The following BRAP variants were observed in gnomAD, a reference collection of about 807,000 sequenced individuals.
BRAP encodes the protein BRCA1 associated protein.
In BRAP, 42 loss-of-function variants were observed where a neutral mutation model predicts 73.4. That is an observed-to-expected ratio of 0.57 (90% CI 0.45 to 0.74). The LOEUF (loss-of-function observed/expected upper bound fraction) is 0.74. Ranked by LOEUF, BRAP falls within the 30% of genes least tolerant of loss-of-function variation. BRAP has a pLI of 0.00. For missense variants in BRAP, 593 were observed against 751.4 expected, an observed-to-expected ratio of 0.79 and a Z score of 2.46; for synonymous variants, 255 against 267.4, an observed-to-expected ratio of 0.95 and a Z score of 0.45.
chr12:111,685,315 G>A lies in BRAP; in HGVS notation c.82+396C>T, dbSNP rs576354822. 3.9e-5 allele frequency among the ~76,000 whole-genome samples: 6 copies of A among 152,314 alleles called. No individual in the cohort carries two copies. The South Asian group carries it at 1.0e-3, about 26-fold the overall frequency. On this transcript the variant is annotated intron_variant, in intron 1 of 11. Transcript: ENST00000419234. The stretch of plus-strand genomic sequence containing the variant: ...ATTTTAGTTATGACTATGGTTAGGG[G>A]GCACTTCAATGGATATCGTTCCAAA...
chr12:111,658,690 A>G lies in BRAP; in HGVS notation c.1221+46T>C. 3 of 1,346,388 alleles carry G rather than the reference A, an allele frequency of 2.2e-6. 1 individual carries two copies. The highest frequency in any genetic ancestry group is 4.0e-5 in the Admixed American group (2 of 49,902). The allele number at this position is 1,346,388 out of a possible 1,614,324, so 83.4% of individuals were successfully genotyped here. ...ACAAATATTTCAAATTAGAATAGTA[A>G]AGAGCAGTAGAAACAGATAGAGTGA... On this transcript the variant is annotated intron_variant, in intron 9 of 11. Transcript: ENST00000419234.
chr12:111,651,104 C>T (rs929615225), intron 10 of BRAP, among the ~76,000 whole-genome samples: 5 of 152,008 alleles, frequency 3.3e-5, no homozygotes, highest in South Asian at 2.1e-4. Context: ...AACCACAAGG[C>T]AATATAACAG....
At position 111,670,062 on chromosome 12, in the gene BRAP, G is replaced by A. The variant is rs1429601474; in HGVS notation, c.747+2599C>T. 11 of 626,228 alleles carry A rather than the reference G, an allele frequency of 1.8e-5. No individual in the cohort carries two copies. In the Admixed American group the frequency reaches 2.0e-4, roughly 12 times the overall value. The allele number at this position is 626,228 out of a possible 1,614,324, so 38.8% of individuals were successfully genotyped here. On this transcript the variant is annotated intron_variant, in intron 5 of 11. Coordinates refer to ENST00000419234, the MANE Select transcript of BRAP (RefSeq NM_006768.5). Reference sequence around the variant, plus strand: ...ATCTTCATTAAAAGCTGCTGCTCCTGAAAAAGTGCTTGGAGCAAGAGTTGG... The same window carrying A: ...ATCTTCATTAAAAGCTGCTGCTCCTAAAAAAGTGCTTGGAGCAAGAGTTGG...
At chr12:111,670,957 G>C (rs7967515) in intron 5 of BRAP, among the ~76,000 whole-genome samples, 7 of 151,998 alleles carry the variant, frequency 4.6e-5, no homozygotes, top group African/African-American at 1.7e-4. Context: ...AAAAGTAGCC[G>C]GGAGTGATGG....
intron 11 of BRAP, 77 bp downstream of exon 11, chr12:111,649,862 G>A (rs531036229): frequency 1.0e-6 from 1 of 992,740 alleles, no homozygotes; most frequent in Non-Finnish European, 1.5e-6. Flanking sequence ...ATTTGAAAAT[G>A]AGGGTGTTTC....
chr12:111,666,836 G>A (rs1421074871), intron 5 of BRAP, among the ~76,000 whole-genome samples: 1 of 152,216 alleles, frequency 6.6e-6, no homozygotes, highest in Admixed American at 6.5e-5. Flanking sequence ...AATCTCTCAA[G>A]AAGCCACGTT....
Position 111,681,809 on chromosome 12 carries a change from T to C in BRAP, c.271A>G (p.Arg91Gly), listed in dbSNP as rs1269164791. ...GTGGGGGAGGCTTCTGAAGACTTCC[T>C]TTCTTCCACTGTAGTTTTTAGTTCA... ...PDELKTTVEE[R>G]KSSEASPTAQ... Residue 91 changes from arginine (R) to glycine (G), a missense_variant, in exon 3 of 12, where the codon AGG becomes GGG. Physicochemically the swap from Arg to Gly is moderately radical, Grantham distance 125. Around this residue, in one of 4 missense-constraint regions of BRAP, gnomAD observed 304 missense variants for 337.7 expected, o/e 0.90. Transcript: ENST00000419234. 8 of 1,612,054 alleles carry C rather than the reference T, an allele frequency of 5.0e-6. No individual in the cohort carries two copies. Among genetic ancestry groups the C allele is most frequent in the Non-Finnish European group, 5.9e-6 (7 of 1,179,252 alleles).
At chr12:111,645,065 AT>A (rs1566107212) in intron 11 of BRAP, among the ~76,000 whole-genome samples, 2 of 149,526 alleles carry the variant, frequency 1.3e-5, no homozygotes, top group Admixed American at 6.7e-5. Flanking sequence ...CCACAAGTGT[AT>A]TATTTATTTA....
At chr12:111,652,910 C>A (rs923356246) in intron 10 of BRAP, among the ~76,000 whole-genome samples, 1 of 151,872 alleles carries the variant, frequency 6.6e-6, no homozygotes, top group Non-Finnish European at 1.5e-5. Context: ...GGGATTTCAC[C>A]GTGTTAGCCA....
chr12:111,672,920 T>C, intron 4 of BRAP, 146 bp from the exon 5 acceptor site: 1 of 610,172 alleles, frequency 1.6e-6, no homozygotes, highest in Non-Finnish European at 2.8e-6. Context: ...AAGTCACATC[T>C]ACTGAAGCTG....
chr12:111,659,853 CA>C (rs1566116533), intron 7 of BRAP, among the ~76,000 whole-genome samples: 1 of 151,820 alleles, frequency 6.6e-6, no homozygotes, highest in Non-Finnish European at 1.5e-5. Context: ...CCCAACTCTA[CA>C]AAATGTTTTT....
At chr12:111,684,613 A>G (rs980581827) in intron 1 of BRAP, among the ~76,000 whole-genome samples, 2 of 152,038 alleles carry the variant, frequency 1.3e-5, no homozygotes, top group African/African-American at 4.8e-5. Flanking sequence ...TAAAACAGAG[A>G]CGCTGTCTGA....
chr12:111,645,388 CTTTT>C (rs960447613), intron 11 of BRAP, among the ~76,000 whole-genome samples: 3 of 151,972 alleles, frequency 2.0e-5, no homozygotes, highest in African/African-American at 7.3e-5. Context: ...TTTTAAGACA[CTTTT>C]TTTTAAGCAT....
In BRAP at chr12:111,679,357, T is replaced by C. The variant is rs1293383717; in HGVS notation, c.444-17A>G. The C allele has an allele frequency of 4.6e-6, 7 of 1,507,708 alleles. No individual in the cohort carries two copies. The highest frequency in any genetic ancestry group is 5.4e-6 in the Non-Finnish European group (6 of 1,120,254). The allele number at this position is 1,507,708 out of a possible 1,614,324, so 93.4% of individuals were successfully genotyped here. A position where few individuals can be genotyped will look rare whatever the true frequency, so the allele number is the denominator to read the frequency against. On this transcript the variant is annotated splice_polypyrimidine_tract_variant and intron_variant, in intron 3 of 11. Transcript: ENST00000419234. Reference sequence around the variant, plus strand: ...GTCATCTTACTAACAAAAAAAAAATTAGAGTGTCTTGAATAGATGAGGTAT... The same window carrying C: ...GTCATCTTACTAACAAAAAAAAAATCAGAGTGTCTTGAATAGATGAGGTAT...
chr12:111,645,853 A>G (rs1365525960), intron 11 of BRAP, among the ~76,000 whole-genome samples: 2 of 152,098 alleles, frequency 1.3e-5, no homozygotes, highest in South Asian at 2.1e-4. Context: ...AGCCAGGTGC[A>G]GTGGCGTGCA....
intron 4 of BRAP, among the ~76,000 whole-genome samples, chr12:111,673,846 T>A (rs1887269886): frequency 6.6e-6 from 1 of 152,232 alleles, no homozygotes; most frequent in African/African-American, 2.4e-5. Flanking sequence ...AAGGCACATG[T>A]GCGTCTATGA....
At chr12:111,677,742 T>C (rs1431668972) in intron 4 of BRAP, among the ~76,000 whole-genome samples, 3 of 152,212 alleles carry the variant, frequency 2.0e-5, no homozygotes, top group African/African-American at 7.2e-5. Context: ...GGCTTTCTGA[T>C]GGACAGTGAA....
chr12:111,677,014 G>A (rs1887408600), intron 4 of BRAP, among the ~76,000 whole-genome samples: 3 of 152,108 alleles, frequency 2.0e-5, no homozygotes, highest in African/African-American at 4.8e-5. Context: ...AACCTGTTTC[G>A]CAGTCTCAGA....
In BRAP at chr12:111,665,548, T is replaced by C; in HGVS notation, c.896+91A>G. Reference sequence around the variant, plus strand: ...GGACCTCTTGAATAAAGTCAAATACTTGGAATGGTTCATTTCTGCTGGTGG... The same window carrying C: ...GGACCTCTTGAATAAAGTCAAATACCTGGAATGGTTCATTTCTGCTGGTGG... On this transcript the variant is annotated intron_variant, in intron 6 of 11. Coordinates refer to ENST00000419234, the MANE Select transcript of BRAP (RefSeq NM_006768.5). This position sits in a 1 kb window ranked among gnomAD's most constrained non-coding sequence, Gnocchi z 4.3. 11 of 1,523,880 alleles carry C rather than the reference T, an allele frequency of 7.2e-6. No individual in the cohort carries two copies. Among genetic ancestry groups the C allele is most frequent in the Non-Finnish European group, 9.8e-6 (11 of 1,118,950 alleles). The allele number at this position is 1,523,880 out of a possible 1,614,324, so 94.4% of individuals were successfully genotyped here.
Sources: gnomAD v4.1 joint callset for allele counts (sites outside exome capture counted in the v4.1 genomes callset) on GRCh38, gnomAD v4.1.1 for gene constraint, gnomAD v4.1.1 regional missense constraint, Gnocchi (gnomAD v3.1) non-coding constraint, MANE v1.5 for transcripts, NCBI Gene and HGNC (gene_info 2026-07-23, HGNC 2026-07-21) for gene names.